The following RAP2A variants were observed in gnomAD, a reference collection of about 807,000 sequenced individuals.
RAP2A encodes ras-related protein Rap-2a.
RAP2A carries 5 observed loss-of-function variants against 15.1 expected under a neutral mutation model. That is an observed-to-expected ratio of 0.33 (90% CI 0.17 to 0.70). RAP2A has a LOEUF of 0.70. Ranked by LOEUF, RAP2A falls within the 30% of genes least tolerant of loss-of-function variation. RAP2A has a pLI of 0.68. For synonymous variants in RAP2A, 110 were observed against 99.7 expected, an observed-to-expected ratio of 1.10 and a Z score of -0.62; for missense variants, 111 against 240.3, an observed-to-expected ratio of 0.46 and a Z score of 3.56.
chr13:97,439,942 A>G (rs1291245650), intron 1 of RAP2A, among the ~76,000 whole-genome samples: 2 of 152,114 alleles, frequency 1.3e-5, no homozygotes, highest in East Asian at 3.9e-4. Context: ...TTAAGTGGTC[A>G]CTTTCAAGTG....
chr13:97,454,395 C>A (rs1426596490), intron 1 of RAP2A, among the ~76,000 whole-genome samples: 1 of 151,082 alleles, frequency 6.6e-6, no homozygotes, highest in East Asian at 1.9e-4. Context: ...TCTTCTCCCT[C>A]TTCTGCCTTC....
At chr13:97,462,270 A>G (rs1807269328) in intron 1 of RAP2A, among the ~76,000 whole-genome samples, 1 of 151,932 alleles carries the variant, frequency 6.6e-6, no homozygotes, top group East Asian at 1.9e-4. Context: ...GTACACTGTG[A>G]TGTATATACT....
chr13:97,452,634 T>TCACA (rs962337332), intron 1 of RAP2A, among the ~76,000 whole-genome samples: 2 of 113,956 alleles, frequency 1.8e-5, no homozygotes, highest in South Asian at 3.4e-4. Flanking sequence ...CAAGAATCAG[T>TCACA]CACACACACA....
At chr13:97,463,154 A>G (rs2066755561) in intron 1 of RAP2A, among the ~76,000 whole-genome samples, 1 of 152,228 alleles carries the variant, frequency 6.6e-6, no homozygotes, top group Non-Finnish European at 1.5e-5. Context: ...TAAAATCACA[A>G]AAACCTTTTA....
intron 1 of RAP2A, among the ~76,000 whole-genome samples, chr13:97,459,936 G>A (rs1360170157): frequency 6.6e-6 from 1 of 152,192 alleles, no homozygotes; most frequent in African/African-American, 2.4e-5. Flanking sequence ...TGAGTGGATG[G>A]ATAAGTACAT....
At chr13:97,457,561 CA>C (rs1234823893) in intron 1 of RAP2A, among the ~76,000 whole-genome samples, 2 of 151,828 alleles carry the variant, frequency 1.3e-5, no homozygotes, top group Non-Finnish European at 2.9e-5. Flanking sequence ...AATTATGGCA[CA>C]GTTATAGATT....
At chr13:97,462,084 GTATT>G (rs1209834805) in intron 1 of RAP2A, among the ~76,000 whole-genome samples, 1 of 137,314 alleles carries the variant, frequency 7.3e-6, no homozygotes. Context: ...TATATATATT[GTATT>G]TAAACATTCT....
chr13:97,454,591 A>G (rs559150185), intron 1 of RAP2A, among the ~76,000 whole-genome samples: 1 of 151,356 alleles, frequency 6.6e-6, no homozygotes, highest in Non-Finnish European at 1.5e-5. Flanking sequence ...GAGTTTTTGT[A>G]TGCGTTACAT....
intron 1 of RAP2A, among the ~76,000 whole-genome samples, chr13:97,442,543 A>G (rs540565923): frequency 6.6e-6 from 1 of 152,282 alleles, no homozygotes; most frequent in African/African-American, 2.4e-5. Flanking sequence ...TAGTGCACAC[A>G]TAGGAATAAA....
chr13:97,458,051 G>A (rs2066731064), intron 1 of RAP2A, among the ~76,000 whole-genome samples: 1 of 152,088 alleles, frequency 6.6e-6, no homozygotes, highest in Non-Finnish European at 1.5e-5. Context: ...GTACAAAATG[G>A]GTTGCCTGTA....
intron 1 of RAP2A, among the ~76,000 whole-genome samples, chr13:97,439,422 C>G (rs188688599): frequency 8.4e-4 from 123 of 146,906 alleles, no homozygotes; most frequent in Admixed American, 1.7e-3. Flanking sequence ...AGAAAGGATG[C>G]AAGGAATGTT....
At chr13:97,442,821 T>C (rs1422159483) in intron 1 of RAP2A, among the ~76,000 whole-genome samples, 1 of 152,188 alleles carries the variant, frequency 6.6e-6, no homozygotes, top group African/African-American at 2.4e-5. Flanking sequence ...ATTACGAAAA[T>C]GAAGTACTTC....
intron 1 of RAP2A, among the ~76,000 whole-genome samples, chr13:97,462,959 G>A (rs759950965): frequency 2.5e-4 from 38 of 152,258 alleles, no homozygotes; most frequent in Admixed American, 1.1e-3. Context: ...GATAAAAATT[G>A]TCTATGCATC....
chr13:97,443,444 G>C (rs2066666257), intron 1 of RAP2A, among the ~76,000 whole-genome samples: 1 of 152,172 alleles, frequency 6.6e-6, no homozygotes, highest in South Asian at 2.1e-4. Context: ...CTGGAGTGCA[G>C]CGGCGCCATC....
chr13:97,448,584 C>T (rs1345429045), intron 1 of RAP2A, among the ~76,000 whole-genome samples: 1 of 152,140 alleles, frequency 6.6e-6, no homozygotes, highest in Admixed American at 6.5e-5. Flanking sequence ...CATGACGTAT[C>T]CAAGGAGGCA....
At chr13:97,460,499 G>A (rs765688661) in intron 1 of RAP2A, among the ~76,000 whole-genome samples, 5 of 152,142 alleles carry the variant, frequency 3.3e-5, no homozygotes, top group Admixed American at 1.3e-4. Flanking sequence ...TGGGACAGGA[G>A]TCCTAGTCTG....
In RAP2A at chr13:97,464,768, A is replaced by G. The variant is rs2139043796; in HGVS notation, c.*326A>G. On this transcript the variant is annotated 3_prime_UTR_variant, in exon 2 of 2. Transcript: ENST00000245304. ...GAAGCAACTATTGTACAAATTAAAA[A>G]TAACCATAAGGGAGAAACCAGAAGA... 1 of 250,566 alleles carries G rather than the reference A, an allele frequency of 4.0e-6. No homozygotes were observed. The highest frequency in any genetic ancestry group is 5.1e-5 in the Admixed American group (1 of 19,500). The allele number at this position is 250,566 out of a possible 1,614,324, so 15.5% of individuals were successfully genotyped here.
At chr13:97,459,948 A>G (rs189218743) in intron 1 of RAP2A, among the ~76,000 whole-genome samples, 1 of 152,314 alleles carries the variant, frequency 6.6e-6, no homozygotes, top group East Asian at 1.9e-4. Context: ...TAAGTACATG[A>G]TGTATTGATT....
intron 1 of RAP2A, 110 bp from the exon 2 acceptor site, chr13:97,464,095 T>C: frequency 1.1e-6 from 1 of 936,844 alleles, no homozygotes; most frequent in Non-Finnish European, 1.7e-6. Context: ...TTCATGCAAC[T>C]GAAGATACCA....
Sources: allele counts gnomAD v4.1 joint callset (sites outside exome capture counted in the v4.1 genomes callset), GRCh38; gene constraint gnomAD v4.1.1; transcripts MANE v1.5; gene names NCBI Gene and HGNC (gene_info 2026-07-23, HGNC 2026-07-21).